The following SCUBE1 variants were observed in gnomAD, a reference collection of about 807,000 sequenced individuals.
SCUBE1 encodes the protein signal peptide, CUB and EGF-like domain-containing protein 1.
Under a neutral mutation model 124.4 loss-of-function variants are expected in SCUBE1, and 59 were observed. That is an observed-to-expected ratio of 0.47 (90% CI 0.38 to 0.59). The LOEUF (loss-of-function observed/expected upper bound fraction) is 0.59. Among genes scored for constraint, SCUBE1 ranks in the 20% least tolerant of loss-of-function variants. SCUBE1 has a pLI of 0.00. For missense variants in SCUBE1, 1,150 were observed against 1,371.2 expected, an observed-to-expected ratio of 0.84 and a Z score of 2.55; for synonymous variants, 545 against 550.9, an observed-to-expected ratio of 0.99 and a Z score of 0.15.
intron 2 of SCUBE1, among the ~76,000 whole-genome samples, chr22:43,333,647 G>C (rs773695239): frequency 7.9e-5 from 12 of 152,218 alleles, no homozygotes; most frequent in Non-Finnish European, 1.5e-4. Flanking sequence ...GCACTGATTA[G>C]TTGGTAAAGA....
intron 4 of SCUBE1, among the ~76,000 whole-genome samples, chr22:43,284,200 T>C (rs1455102545): frequency 6.6e-6 from 1 of 152,196 alleles, no homozygotes; most frequent in Non-Finnish European, 1.5e-5. Flanking sequence ...CTGGGGACAT[T>C]CAGTGTGGGG....
intron 6 of SCUBE1, among the ~76,000 whole-genome samples, chr22:43,246,740 C>T (rs911318571): frequency 6.6e-6 from 1 of 152,222 alleles, no homozygotes; most frequent in Non-Finnish European, 1.5e-5. Context: ...TGGGCTGCCC[C>T]GGAGATGTGG....
chr22:43,221,338 G>A (rs1740361136), intron 12 of SCUBE1, 49 bp from the exon 13 acceptor site: 1 of 1,147,828 alleles, frequency 8.7e-7, no homozygotes, highest in South Asian at 1.2e-5. Flanking sequence ...CTGCAGGCAA[G>A]GAGGTGGTGG....
chr22:43,259,648 C>T (rs1414849629), intron 5 of SCUBE1, among the ~76,000 whole-genome samples: 1 of 152,144 alleles, frequency 6.6e-6, no homozygotes, highest in Non-Finnish European at 1.5e-5. Flanking sequence ...GGACACATGC[C>T]GTCTCCACAG....
rs1196309941 is a variant in SCUBE1 at position 43,202,777 on chromosome 22, AT to A, written c.*1219del. ...AGGTTTCCCTGTGAATGGGGGTGGC[AT>A]GGCGTAGCAAGAGGAGGCTGCACTG... On this transcript the variant is annotated 3_prime_UTR_variant, in exon 22 of 22. Coordinates refer to ENST00000360835, the MANE Select transcript of SCUBE1 (RefSeq NM_173050.5). 1.3e-5 allele frequency: 2 copies of A among 152,372 alleles called. No individual in the cohort carries two copies. Among genetic ancestry groups the A allele is most frequent in the East Asian group, 3.9e-4 (2 of 5,192 alleles). The allele number at this position is 152,372 out of a possible 1,614,324, so 9.4% of individuals were successfully genotyped here.
At chr22:43,301,537 C>T (rs971446849) in intron 3 of SCUBE1, among the ~76,000 whole-genome samples, 6 of 152,182 alleles carry the variant, frequency 3.9e-5, no homozygotes, top group Non-Finnish European at 7.3e-5. Context: ...CGGCTGCCTC[C>T]TCCTTCTCCT....
In SCUBE1 at chr22:43,199,981, G is replaced by A. The variant is rs1920978475; in HGVS notation, c.*4016C>T. 6.6e-6 allele frequency: 1 copy of A among 152,256 alleles called. No homozygotes were observed. The highest frequency in any genetic ancestry group is 1.5e-5 in the Non-Finnish European group (1 of 68,062). 9.4% of individuals were successfully genotyped at this position (152,256 alleles called of 1,614,324 possible). ...CAGGTTCCTTCCCTTCCCGTGGCTT[G>A]TTTCTGGAAAGTAGAAATAAACTTG... On this transcript the variant is annotated 3_prime_UTR_variant, in exon 22 of 22. Transcript: ENST00000360835.
At chr22:43,339,343 T>C in intron 1 of SCUBE1, 108 bp from the exon 2 acceptor site, 1 of 1,073,158 alleles carries the variant, frequency 9.3e-7, no homozygotes, top group Non-Finnish European at 1.3e-6. Flanking sequence ...CATTGATCGG[T>C]GGGCTCATTG....
intron 4 of SCUBE1, among the ~76,000 whole-genome samples, chr22:43,288,615 C>T (rs1407565895): frequency 6.6e-6 from 1 of 152,358 alleles, no homozygotes; most frequent in African/African-American, 2.4e-5. Flanking sequence ...ACAAGCTTCC[C>T]ACCTGGCTTT....
chr22:43,220,979 T>G (rs149831977), intron 13 of SCUBE1, among the ~76,000 whole-genome samples, 194 bp downstream of exon 13: 1 of 152,158 alleles, frequency 6.6e-6, no homozygotes, highest in African/African-American at 2.4e-5. Flanking sequence ...GGGCCCCTCG[T>G]ACCAAGCTTG....
At chr22:43,206,622 G>A (rs1278729544) in intron 21 of SCUBE1, among the ~76,000 whole-genome samples, 3 of 148,142 alleles carry the variant, frequency 2.0e-5, no homozygotes, top group Non-Finnish European at 4.5e-5. Context: ...CCAGCTGAGG[G>A]CGGAAGGATG....
chr22:43,306,898 A>C (rs1925988809), intron 3 of SCUBE1, among the ~76,000 whole-genome samples: 2 of 152,194 alleles, frequency 1.3e-5, no homozygotes. Context: ...TCGCTGGCCG[A>C]GGGAGACAGG....
intron 4 of SCUBE1, among the ~76,000 whole-genome samples, chr22:43,286,573 G>C (rs1229330967): frequency 6.6e-6 from 1 of 152,222 alleles, no homozygotes; most frequent in African/African-American, 2.4e-5. Context: ...CCAGGTGGAG[G>C]AGGAGACCAT....
At chr22:43,271,059 C>T (rs896545294) in intron 4 of SCUBE1, among the ~76,000 whole-genome samples, 7 of 152,182 alleles carry the variant, frequency 4.6e-5, no homozygotes, top group African/African-American at 1.7e-4. Flanking sequence ...TTTCCTCTGC[C>T]TGGGACACGC....
At chr22:43,277,773 C>T (rs796810230) in intron 4 of SCUBE1, among the ~76,000 whole-genome samples, 10 of 152,322 alleles carry the variant, frequency 6.6e-5, no homozygotes, top group South Asian at 2.1e-4. Context: ...TGATCTGGAC[C>T]GGGCTCTACA....
chr22:43,281,466 C>CCCTCCTGTCACCTCCCTCAGCCAT (rs1924862612), intron 4 of SCUBE1, among the ~76,000 whole-genome samples: 1 of 104,846 alleles, frequency 9.5e-6, no homozygotes, highest in African/African-American at 6.1e-5. Flanking sequence ...CCCTCAGCCA[C>CCCTCCTGTCACCTCCCTCAGCCAT]CCTCCTGTCA....
At chr22:43,301,405 C>T (rs1054543307) in intron 3 of SCUBE1, among the ~76,000 whole-genome samples, 1 of 152,200 alleles carries the variant, frequency 6.6e-6, no homozygotes, top group African/African-American at 2.4e-5. Context: ...GGCTCCTCCT[C>T]GCTCACCCGC....
intron 4 of SCUBE1, among the ~76,000 whole-genome samples, chr22:43,287,930 C>T (rs1288347294): frequency 6.6e-6 from 1 of 152,216 alleles, no homozygotes; most frequent in Non-Finnish European, 1.5e-5. Flanking sequence ...CCCTGTCTCC[C>T]CAATGGGCAT....
At chr22:43,252,297 C>G (rs1278107685) in intron 6 of SCUBE1, among the ~76,000 whole-genome samples, 3 of 152,244 alleles carry the variant, frequency 2.0e-5, no homozygotes, top group African/African-American at 7.2e-5. Flanking sequence ...ACTGGAGCCA[C>G]AATCCCGGCT....
Sources: gnomAD v4.1 joint callset for allele counts (sites outside exome capture counted in the v4.1 genomes callset) on GRCh38, gnomAD v4.1.1 for gene constraint, MANE v1.5 for transcripts, NCBI Gene and HGNC (gene_info 2026-07-23, HGNC 2026-07-21) for gene names.